The following MFF variants were observed in gnomAD, a reference collection of about 807,000 sequenced individuals.
The protein encoded by MFF is mitochondrial fission factor, also known as chromosome 2 open reading frame 33.
A neutral mutation model predicts 36.9 loss-of-function variants in MFF; 12 were observed. That is an observed-to-expected ratio of 0.33 (90% confidence interval 0.21 to 0.53). The LOEUF (loss-of-function observed/expected upper bound fraction) is 0.53, where lower values mean the gene tolerates loss of function less well. MFF is among the 20% of genes least tolerant of loss of function. The pLI is 0.95. For synonymous variants in MFF, 99 were observed against 126.2 expected (o/e 0.78, Z 1.44); for missense variants, 348 against 366.6 (o/e 0.95, Z 0.42).
chr2:227,346,232 A>C (rs2075703594), intron 5 of MFF: 1 of 167,098 alleles, frequency 6.0e-6, no homozygotes, highest in Non-Finnish European at 1.5e-5. Context: ...TTTCAGATGT[A>C]ATACACATTG....
intron 6 of MFF, 127 bp from the exon 7 acceptor site, chr2:227,352,387 T>C (rs1574993014): frequency 1.2e-5 from 8 of 691,280 alleles, no homozygotes; most frequent in Admixed American, 2.3e-5. Context: ...TTGAGAGATA[T>C]TATATTGTAT....
intron 2 of MFF, chr2:227,329,273 G>C (rs557233445): frequency 6.4e-6 from 1 of 155,990 alleles, no homozygotes; most frequent in African/African-American, 2.4e-5. Flanking sequence ...CTTAAAAAAG[G>C]ATTTTTCCCC....
intron 4 of MFF, 46 bp downstream of exon 4, chr2:227,332,634 A>AAGGTAAAAG (rs1413268609): frequency 2.0e-6 from 3 of 1,463,864 alleles, no homozygotes; most frequent in Non-Finnish European, 2.8e-6. Context: ...AATGTAGACA[A>AAGGTAAAAG]AGGTAAAAGA....
At chr2:227,329,918 T>A in intron 2 of MFF, 1 of 409,336 alleles carries the variant, frequency 2.4e-6, no homozygotes, top group Non-Finnish European at 4.1e-6. Context: ...TTCTTTCTAC[T>A]GCATTAAAAA....
chr2:227,350,295 C>G (rs1447101350), intron 6 of MFF, among the ~76,000 whole-genome samples: 1 of 152,046 alleles, frequency 6.6e-6, no homozygotes, highest in Non-Finnish European at 1.5e-5. Flanking sequence ...TTAGAAAATG[C>G]CGGTCTCTCC....
intron 4 of MFF, among the ~76,000 whole-genome samples, chr2:227,336,312 A>G (rs180941853): frequency 6.6e-6 from 1 of 152,314 alleles, no homozygotes; most frequent in East Asian, 1.9e-4. Context: ...GGAAGAAAAA[A>G]CAGACTGGTC....
At chr2:227,325,899 T>C (rs2074070284) in intron 1 of MFF, among the ~76,000 whole-genome samples, 1 of 152,112 alleles carries the variant, frequency 6.6e-6, no homozygotes, top group Non-Finnish European at 1.5e-5. Flanking sequence ...GGCAAGTACA[T>C]TTTGGAAAAG....
At chr2:227,331,959 A>ATTTTTTTTTTTTTTTTTTTTTTT (rs10549336) in intron 3 of MFF, among the ~76,000 whole-genome samples, 1 of 76,842 alleles carries the variant, frequency 1.3e-5, no homozygotes, top group African/African-American at 4.6e-5. Context: ...CGCTGGAAGC[A>ATTTTTTTTTTTTTTTTTTTTTTT]TTTTTTTTTT....
chr2:227,353,177 TC>T (rs1321403021), intron 7 of MFF, among the ~76,000 whole-genome samples: 1 of 152,212 alleles, frequency 6.6e-6, no homozygotes, highest in African/African-American at 2.4e-5. Flanking sequence ...GTTCCTTTCT[TC>T]CTGACACGCA....
At chr2:227,332,691 G>T in intron 4 of MFF, 103 bp downstream of exon 4, 1 of 770,002 alleles carries the variant, frequency 1.3e-6, no homozygotes. Flanking sequence ...TGTCATGAAA[G>T]CTTTCCATAT....
At chr2:227,332,642 A>G in intron 4 of MFF, 54 bp downstream of exon 4, 1 of 1,344,186 alleles carries the variant, frequency 7.4e-7, no homozygotes, top group South Asian at 1.4e-5. Flanking sequence ...CAAAGGTAAA[A>G]GAGAAGAGCA....
intron 4 of MFF, among the ~76,000 whole-genome samples, chr2:227,336,204 G>A (rs1297829610): frequency 1.3e-5 from 2 of 152,168 alleles, no homozygotes; most frequent in South Asian, 2.1e-4. Context: ...TCAAAGATGT[G>A]GACTCTGCCG....
chr2:227,332,062 C>T (rs1448672744), intron 3 of MFF, among the ~76,000 whole-genome samples: 1 of 145,000 alleles, frequency 6.9e-6, no homozygotes, highest in East Asian at 2.0e-4. Flanking sequence ...AGCTCCGCCT[C>T]CCGGGTTCAC....
chr2:227,329,527 G>A (rs577623558), intron 2 of MFF: 27 of 401,124 alleles, frequency 6.7e-5, no homozygotes, highest in Middle Eastern at 1.5e-3. Context: ...GTCATTTTAC[G>A]TAGATATTTA....
intron 8 of MFF, 70 bp from the exon 9 acceptor site, chr2:227,356,916 A>G (rs2076286096): frequency 8.2e-7 from 1 of 1,219,216 alleles, no homozygotes; most frequent in Non-Finnish European, 1.2e-6. Context: ...TACTTACTTT[A>G]TAAGAATCTG....
At chr2:227,343,980 G>T (rs1342725048) in intron 5 of MFF, among the ~76,000 whole-genome samples, 1 of 152,096 alleles carries the variant, frequency 6.6e-6, no homozygotes, top group Non-Finnish European at 1.5e-5. Flanking sequence ...TAGAGACAGG[G>T]TTTCATCATA....
chr2:227,343,212 T>C (rs1291342388), intron 5 of MFF, among the ~76,000 whole-genome samples: 2 of 152,094 alleles, frequency 1.3e-5, no homozygotes, highest in Non-Finnish European at 2.9e-5. Context: ...TCTTCTTCTA[T>C]CTTGTTTCTG....
At chr2:227,332,896 A>G (rs972313716) in intron 4 of MFF, among the ~76,000 whole-genome samples, 9 of 152,256 alleles carry the variant, frequency 5.9e-5, no homozygotes, top group Non-Finnish European at 1.3e-4. Flanking sequence ...AAGTTTAGCA[A>G]TAAGAAGTAA....
chr2:227,338,554 G>A (rs77204420), intron 4 of MFF, among the ~76,000 whole-genome samples: 15,164 of 151,748 alleles, frequency 0.1, 1,222 homozygotes, highest in African/African-American at 0.21. Context: ...AATGTCGGCC[G>A]GGCGCAGTGG....
Sources: gnomAD v4.1 joint callset for allele counts (sites outside exome capture counted in the v4.1 genomes callset) on GRCh38, gnomAD v4.1.1 for gene constraint, MANE v1.5 for transcripts, NCBI Gene and HGNC (gene_info 2026-07-23, HGNC 2026-07-21) for gene names.